The following TSGA13 variants were observed in gnomAD, a reference collection of about 807,000 sequenced individuals.
TSGA13 encodes testis specific 13.
A neutral mutation model predicts 35.1 loss-of-function variants in TSGA13; 37 were observed. That is an observed-to-expected ratio of 1.05 (90% CI 0.81 to 1.39). TSGA13 has a LOEUF of 1.39. TSGA13 is among the 40% of genes most tolerant of loss of function. The probability of loss-of-function intolerance (pLI) is 0.00; values close to 1 mark genes in which losing one functional copy is unlikely to be tolerated. For synonymous variants in TSGA13, 124 were observed against 121.2 expected, an observed-to-expected ratio of 1.02 and a Z score of -0.15; for missense variants, 338 against 328.5, an observed-to-expected ratio of 1.03 and a Z score of -0.22.
At chr7:130,685,381 G>C in intron 1 of TSGA13, 21 bp from the exon 2 acceptor site, 2 of 1,413,394 alleles carry the variant, frequency 1.4e-6, no homozygotes, top group East Asian at 2.5e-5. Context: ...AACAAGAAAA[G>C]ACTGATAGGT....
At chr7:130,670,097 T>C (rs1440823415) in intron 7 of TSGA13, among the ~76,000 whole-genome samples, 1 of 152,230 alleles carries the variant, frequency 6.6e-6, no homozygotes, top group Non-Finnish European at 1.5e-5. Flanking sequence ...GCAAGATCAA[T>C]CATTCTCTGC....
In TSGA13 at chr7:130,685,188, T is replaced by C; in HGVS notation, c.23A>G (p.Lys8Arg). The change falls in exon 2 of 8, where the codon AAG becomes AGG. Residue 8 changes from lysine to arginine, a missense_variant and splice_region_variant. Transcript: ENST00000356588. MSQKRQT[K>R]FQNGKSKTSE... is the part of the protein sequence containing the mutation. ...TAGTTGGGCAAACAAGACTACATAC[T>C]TGGTTTGTCTCTTTTGGCTCATTGC... The C allele has an allele frequency of 6.2e-7, 1 of 1,613,300 alleles. No individual in the cohort carries two copies. The highest frequency in any genetic ancestry group is 8.5e-7 in the Non-Finnish European group (1 of 1,179,256).
Position 130,668,919 on chromosome 7 carries a change from C to A in TSGA13, c.*95G>T. ...CCGGCTTGCGACCCGGGAGCCCACG[C>A]CCGCAGCAGCAGGAATGTGGTTTTA... is the stretch of plus-strand genomic sequence containing the variant. On this transcript the variant is annotated 3_prime_UTR_variant, in exon 8 of 8. Coordinates refer to ENST00000356588, the MANE Select transcript of TSGA13 (RefSeq NM_052933.4). The A allele has an allele frequency of 6.6e-6, 10 of 1,504,148 alleles. No individual in the cohort carries two copies. The East Asian group carries it at 7.0e-5, about 11-fold the overall frequency. 93.2% of individuals were successfully genotyped at this position (1,504,148 alleles called of 1,614,324 possible).
rs537713098 is a variant in TSGA13 at position 130,669,724 on chromosome 7, A to T, written c.659-541T>A. Among the ~76,000 whole-genome samples, 48 of 152,356 alleles carry T rather than the reference A, an allele frequency of 3.2e-4. 1 individual carries two copies. In the South Asian group the frequency reaches 9.3e-3, roughly 30 times the overall value. ...TCCCTGAAATACAGATTTAAGATGA[A>T]CTGTTGATATCCTACATATGGTATC... is the stretch of plus-strand genomic sequence containing the variant. On this transcript the variant is annotated intron_variant, in intron 7 of 7. Transcript: ENST00000356588.
Position 130,672,830 on chromosome 7 carries a change from C to A in TSGA13, c.434G>T (p.Arg145Leu), listed in dbSNP as rs752990789. Residue 145 changes from arginine to leucine, a missense_variant, in exon 6 of 8, where the codon CGC (arginine) becomes CTC (leucine). Transcript: ENST00000356588. ...HKPTENLWLPRMPQKKKLRSK... is the reference protein window; with the variant it reads ...HKPTENLWLPLMPQKKKLRSK... ...TCTTAACTTTTTTTTCTGAGGCATG[C>A]GGGGCAGCCAGAGGTTCTCAGTGGG... 1.2e-6 allele frequency: 2 copies of A among 1,613,756 alleles called. No individual in the cohort carries two copies. The highest frequency in any genetic ancestry group is 1.7e-6 in the Non-Finnish European group (2 of 1,179,884).
chr7:130,671,674 A>G lies in TSGA13; in HGVS notation c.645T>C (p.Asp215=), dbSNP rs782348099. The G allele has an allele frequency of 6.3e-7, 1 of 1,580,668 alleles. No homozygotes were observed. The highest frequency in any genetic ancestry group is 8.6e-7 in the Non-Finnish European group (1 of 1,159,448). ...AGAGGAGCTTACCATCTTTCCTCATATCTCTCTCATGGACTGGAGCAAAGG... is the reference window on the plus strand; with the variant it reads ...AGAGGAGCTTACCATCTTTCCTCATGTCTCTCTCATGGACTGGAGCAAAGG... ...QLTFAPVHER[D]MRKDASKKSA... is the part of the protein sequence containing the mutation. The change falls in exon 7 of 8, where the codon GAT becomes GAC. Residue 215 remains aspartate, a synonymous_variant. Coordinates refer to ENST00000356588, the MANE Select transcript of TSGA13 (RefSeq NM_052933.4).
intron 4 of TSGA13, among the ~76,000 whole-genome samples, chr7:130,679,575 T>C (rs1008262185): frequency 2.6e-5 from 4 of 152,136 alleles, no homozygotes; most frequent in Non-Finnish European, 5.9e-5. Flanking sequence ...AGTGGCATGA[T>C]CATGACTCAC....
chr7:130,679,439 G>A lies in TSGA13; in HGVS notation c.175-72C>T, dbSNP rs113282934. On this transcript the variant is annotated intron_variant, in intron 4 of 7. Transcript: ENST00000356588. ...GAGCAGGTTAACAAATCGGTTGGCT[G>A]ATACTTAGCCTCTGTGGGGTAAGAA... is the stretch of plus-strand genomic sequence containing the variant. The A allele has an allele frequency of 5.7e-4, 744 of 1,316,672 alleles. 6 individuals carry two copies. In the African/African-American group the frequency reaches 8.2e-3, roughly 15 times the overall value. The allele number at this position is 1,316,672 out of a possible 1,614,324, so 81.6% of individuals were successfully genotyped here.
chr7:130,669,134 T>C lies in TSGA13; in HGVS notation c.708A>G (p.Glu236=). The C allele has an allele frequency of 1.2e-6, 2 of 1,614,166 alleles. No homozygotes were observed. Among genetic ancestry groups the C allele is most frequent in the Non-Finnish European group, 8.5e-7 (1 of 1,180,012 alleles). ...CCAAGAGCGATGCGAGTGTCAGTGG[T>C]TCCCGAATCACTTTGGAAATTGGCC... The part of the protein sequence containing the change: ...SERPISKVIR[E]PLTLASLLED... Residue 236 remains glutamate, a synonymous_variant, in exon 8 of 8, where the codon GAA becomes GAG. Coordinates refer to ENST00000356588, the MANE Select transcript of TSGA13 (RefSeq NM_052933.4).
At position 130,677,114 on chromosome 7, in the gene TSGA13, A is replaced by G. The variant is rs535701479; in HGVS notation, c.387+2041T>C. On this transcript the variant is annotated intron_variant, in intron 5 of 7. Transcript: ENST00000356588. ...TCACTGGGTTAGCCAGGATGGTCTC[A>G]ATCTCCTGACCTCGTGATCCACCTG... 2.0e-5 allele frequency among the ~76,000 whole-genome samples: 3 copies of G among 152,088 alleles called. No homozygotes were observed. In the South Asian group the frequency reaches 6.2e-4, roughly 32 times the overall value.
rs946928962 is a variant in TSGA13 at position 130,680,961 on chromosome 7, T to C, written c.159A>G (p.Thr53=). ...KFVLENLRHY[T]VHPNLAQYYK... is the part of the protein sequence containing the mutation. Reference sequence around the variant, plus strand: ...CTCTACCTACCAAATTTGGATGGACTGTGTAATGCCGAAGGTTCTCTAGAA... The same window carrying C: ...CTCTACCTACCAAATTTGGATGGACCGTGTAATGCCGAAGGTTCTCTAGAA... The change falls in exon 4 of 8, where the codon ACA becomes ACG. Residue 53 remains threonine, a synonymous_variant. Coordinates refer to ENST00000356588, the MANE Select transcript of TSGA13 (RefSeq NM_052933.4). 1.9e-6 allele frequency: 3 copies of C among 1,614,148 alleles called. No individual in the cohort carries two copies. The highest frequency in any genetic ancestry group is 2.5e-6 in the Non-Finnish European group (3 of 1,180,006).
rs371039710 is a variant in TSGA13 at position 130,680,906 on chromosome 7, T to A, written c.174+40A>T. ...TGGGCATCTGCACCACTGCTGAAAC[T>A]TCCCCTTAGAGATCTTGGGGGAATG... On this transcript the variant is annotated intron_variant, in intron 4 of 7. Coordinates refer to ENST00000356588, the MANE Select transcript of TSGA13 (RefSeq NM_052933.4). The A allele has an allele frequency of 2.1e-5, 33 of 1,597,900 alleles. No individual in the cohort carries two copies. In the African/African-American group the frequency reaches 3.7e-4, roughly 18 times the overall value.
intron 4 of TSGA13, among the ~76,000 whole-genome samples, chr7:130,679,635 A>G (rs1796497654): frequency 6.6e-6 from 1 of 152,022 alleles, no homozygotes; most frequent in Admixed American, 6.6e-5. Flanking sequence ...TTGGCCTCCT[A>G]AGTAGCTGGG....
chr7:130,686,983 A>C (rs1554465859), upstream of TSGA13: 5 of 152,160 alleles, frequency 3.3e-5, no homozygotes. Context: ...GGTTCAAGTG[A>C]TTTTCCTGCC....
chr7:130,683,480 C>T (rs1439066655), intron 3 of TSGA13, 114 bp downstream of exon 3: 4 of 872,542 alleles, frequency 4.6e-6, no homozygotes, highest in African/African-American at 1.7e-5. Context: ...TTTCCATATA[C>T]ATTTTTACTC....
At chr7:130,682,537 C>G (rs1424548778) in intron 3 of TSGA13, among the ~76,000 whole-genome samples, 1 of 152,172 alleles carries the variant, frequency 6.6e-6, no homozygotes, top group African/African-American at 2.4e-5. Context: ...GCCACCACGC[C>G]CAGCCTGGCT....
At position 130,680,963 on chromosome 7, in the gene TSGA13, T is replaced by A. The variant is rs1554464993; in HGVS notation, c.157A>T (p.Thr53Ser). ...CTACCTACCAAATTTGGATGGACTG[T>A]GTAATGCCGAAGGTTCTCTAGAACA... ...KFVLENLRHYTVHPNLAQYYK... is the reference protein window; with the variant it reads ...KFVLENLRHYSVHPNLAQYYK... Residue 53 changes from threonine (T) to serine (S), a missense_variant, in exon 4 of 8, where the codon ACA becomes TCA. Physicochemically the swap from Thr to Ser is moderately conservative, Grantham distance 58. Transcript: ENST00000356588. 5.0e-6 allele frequency: 8 copies of A among 1,613,976 alleles called. No homozygotes were observed. Among genetic ancestry groups the A allele is most frequent in the Non-Finnish European group, 6.8e-6 (8 of 1,180,002 alleles).
In TSGA13 at chr7:130,668,886, C is replaced by G. The variant is rs116661224; in HGVS notation, c.*128G>C. 4.9e-6 allele frequency: 7 copies of G among 1,428,284 alleles called. No individual in the cohort carries two copies. Among genetic ancestry groups the G allele is most frequent in the South Asian group, 2.8e-5 (2 of 72,174 alleles). The allele number at this position is 1,428,284 out of a possible 1,614,324, so 88.5% of individuals were successfully genotyped here. A position where few individuals can be genotyped will look rare whatever the true frequency, so the allele number is the denominator to read the frequency against. The stretch of plus-strand genomic sequence containing the variant: ...TTGCGGCCCGCCGGAGACTTCGGCT[C>G]GACCCTCCCGGCTTGCGACCCGGGA... On this transcript the variant is annotated 3_prime_UTR_variant, in exon 8 of 8. Coordinates refer to ENST00000356588, the MANE Select transcript of TSGA13 (RefSeq NM_052933.4).
At chr7:130,674,936 AATCCATTTGAGTT>A (rs1313204772) in intron 5 of TSGA13, among the ~76,000 whole-genome samples, 1 of 152,190 alleles carries the variant, frequency 6.6e-6, no homozygotes, top group Non-Finnish European at 1.5e-5. Context: ...AAGGGAAAGA[AATCCATTTGAGTT>A]ATCTTAAATA....
Sources: allele counts gnomAD v4.1 joint callset (sites outside exome capture counted in the v4.1 genomes callset), GRCh38; gene constraint gnomAD v4.1.1; transcripts MANE v1.5; gene names NCBI Gene and HGNC (gene_info 2026-07-23, HGNC 2026-07-21).